Variants in FAM228B observed in about 807,000 individuals in gnomAD.
FAM228B encodes the protein family with sequence similarity 228 member B, also known as protein FAM228B.
Under a neutral mutation model 42.6 loss-of-function variants are expected in FAM228B, and 38 were observed. The observed-to-expected ratio is 0.89, with a 90% CI of 0.69 to 1.17. The LOEUF is 1.17. Ranked by LOEUF, FAM228B falls within the 50% of genes most tolerant of loss-of-function variation. The pLI is 0.00. For synonymous variants in FAM228B, 109 were observed against 122.3 expected, an observed-to-expected ratio of 0.89 and a Z score of 0.72; for missense variants, 344 against 367.3, an observed-to-expected ratio of 0.94 and a Z score of 0.52.
intron 2 of FAM228B, chr2:24,081,174 G>A: frequency 3.7e-6 from 2 of 540,868 alleles, no homozygotes; most frequent in Non-Finnish European, 6.3e-6. Context: ...GTGGGGTGGG[G>A]GTGGGCTGGT....
At chr2:24,099,743 T>G (rs1553326834) in intron 3 of FAM228B, among the ~76,000 whole-genome samples, 1 of 152,196 alleles carries the variant, frequency 6.6e-6, no homozygotes, top group Non-Finnish European at 1.5e-5. Context: ...CCAATGACTT[T>G]CTTCACAGAA....
In FAM228B at chr2:24,123,939, C is replaced by T. The variant is rs548012338; in HGVS notation, c.-32-391C>T. Among the ~76,000 whole-genome samples the T allele has an allele frequency of 4.6e-5, 7 of 152,332 alleles. No homozygotes were observed. In the East Asian group the frequency reaches 1.2e-3, roughly 25 times the overall value. ...AGTATGACCGAAAGCCCCTCCCTGCCTTCTCTAAGCAGCTCAGCCTGTGTT... is the reference window on the plus strand; with the variant it reads ...AGTATGACCGAAAGCCCCTCCCTGCTTTCTCTAAGCAGCTCAGCCTGTGTT... On this transcript the variant is annotated intron_variant, in intron 1 of 10. Transcript: ENST00000615575.
In FAM228B at chr2:24,080,705, T is replaced by G; in HGVS notation, c.-289-171T>G. ...TACTAGAATTTGGCCAGGGCAGCTG[T>G]TGTGCACTTAGCAGAGGTAAGACTG... On this transcript the variant is annotated intron_variant, in intron 1 of 10. Coordinates refer to the FAM228B transcript ENST00000613899. This position sits in a 1 kb window ranked among gnomAD's most constrained non-coding sequence, Gnocchi z 4.7. 1 of 1,276,258 alleles carries G rather than the reference T, an allele frequency of 7.8e-7. No homozygotes were observed. Among genetic ancestry groups the G allele is most frequent in the Non-Finnish European group, 1.1e-6 (1 of 893,224 alleles). The allele number at this position is 1,276,258 out of a possible 1,614,324, so 79.1% of individuals were successfully genotyped here. A position where few individuals can be genotyped will look rare whatever the true frequency, so the allele number is the denominator to read the frequency against.
At chr2:24,157,237 G>A (rs563111227) in intron 7 of FAM228B, among the ~76,000 whole-genome samples, 1 of 152,128 alleles carries the variant, frequency 6.6e-6, no homozygotes, top group South Asian at 2.1e-4. Context: ...CTTGTTTTGT[G>A]GCCTATTATA....
Position 24,158,196 on chromosome 2 carries a change from C to CTTTTTTTTTTTTTTTTTTT in FAM228B, c.687-3293_687-3292insTTTTTTTTTTTTTTTTTTT, listed in dbSNP as rs1322122366. Among the ~76,000 whole-genome samples the CTTTTTTTTTTTTTTTTTTT allele has an allele frequency of 9.6e-4, 51 of 53,204 alleles. 17 individuals carry two copies. The highest frequency in any genetic ancestry group is 4.1e-3 in the East Asian group (7 of 1,714). The allele number at this position is 53,204 out of a possible 152,430, so 34.9% of individuals were successfully genotyped here. On this transcript the variant is annotated intron_variant, in intron 7 of 10. Coordinates refer to ENST00000615575, the MANE Select transcript of FAM228B (RefSeq NM_001145710.2). ...ATGCTGGGCTTTCTCTCTGAACCTCCTTTTTTTTTTTTTTTTTCCAAAACA... is the reference window on the plus strand; with the variant it reads ...ATGCTGGGCTTTCTCTCTGAACCTCCTTTTTTTTTTTTTTTTTTTTTTTTTTTTTTTTTTTTCCAAAACA...
intron 2 of FAM228B, among the ~76,000 whole-genome samples, chr2:24,134,182 A>C (rs1027157657): frequency 4.6e-5 from 7 of 152,220 alleles, no homozygotes; most frequent in Non-Finnish European, 1.0e-4. Context: ...ATAAAAATAT[A>C]ACTCATTTCC....
rs1222853358 is a variant in FAM228B at position 24,080,982 on chromosome 2, AC to A, written c.-210+29del. The stretch of plus-strand genomic sequence containing the variant: ...TGAGTTGGATAGCAGCTGTGCCCAC[AC>A]CACTCAGTCCTGCATGGATTAGCAC... On this transcript the variant is annotated intron_variant, in intron 2 of 10. Transcript: ENST00000613899. This position sits in a 1 kb window ranked among gnomAD's most constrained non-coding sequence, Gnocchi z 4.7. The A allele has an allele frequency of 4.3e-6, 7 of 1,614,098 alleles. No homozygotes were observed. The highest frequency in any genetic ancestry group is 5.9e-6 in the Non-Finnish European group (7 of 1,180,024).
intron 2 of FAM228B, among the ~76,000 whole-genome samples, chr2:24,090,462 T>TA (rs1050056910): frequency 8.7e-5 from 13 of 149,524 alleles, no homozygotes. Context: ...TGCACGCCTG[T>TA]AGTCCCAGGT....
intron 5 of FAM228B, 92 bp from the exon 6 acceptor site, chr2:24,146,656 A>C: frequency 1.3e-6 from 1 of 740,942 alleles, no homozygotes; most frequent in Non-Finnish European, 2.2e-6. Context: ...TCCCGGCATA[A>C]GAGCCATCCA....
intron 7 of FAM228B, among the ~76,000 whole-genome samples, chr2:24,150,064 AGTT>A (rs1044923835): frequency 2.6e-5 from 4 of 151,982 alleles, no homozygotes; most frequent in Non-Finnish European, 5.9e-5. Flanking sequence ...TTTTTTGAAA[AGTT>A]GTTGTAATTA....
intron 3 of FAM228B, among the ~76,000 whole-genome samples, chr2:24,108,857 C>A (rs146427465): frequency 8.4e-4 from 125 of 149,650 alleles, no homozygotes; most frequent in African/African-American, 2.9e-3. Flanking sequence ...GCCGAGATTG[C>A]GCCACTGCAT....
At chr2:24,119,658 T>C, upstream of FAM228B, 1 of 1,613,152 alleles carries the variant, frequency 6.2e-7, no homozygotes, top group Non-Finnish European at 8.5e-7. Context: ...AGATGGGTCT[T>C]CACGACAACC....
chr2:24,096,666 C>T (rs934957775), intron 3 of FAM228B: 2 of 152,130 alleles, frequency 1.3e-5, no homozygotes, highest in African/African-American at 4.8e-5. Context: ...GATTGGTGTA[C>T]CTGGAAGTGA....
Position 24,084,247 on chromosome 2 carries a change from TC to T in FAM228B, c.-210+3297del, listed in dbSNP as rs1665151005. 1.2e-6 allele frequency: 2 copies of T among 1,613,830 alleles called. No individual in the cohort carries two copies. The highest frequency in any genetic ancestry group is 1.7e-6 in the Non-Finnish European group (2 of 1,179,964). On this transcript the variant is annotated intron_variant, in intron 2 of 10. Coordinates refer to the FAM228B transcript ENST00000613899. The surrounding 1 kb of genome is among the most constrained non-coding windows in gnomAD (Gnocchi z 8.4). Reference sequence around the variant, plus strand: ...CGCCACCTTCAGGAGGACTTCACCCTCCCCCGGGCTCGGCTTGGCCACCTCC... The same window carrying T: ...CGCCACCTTCAGGAGGACTTCACCCTCCCCGGGCTCGGCTTGGCCACCTCC...
In FAM228B at chr2:24,156,774, GCCCC is replaced by G. The variant is rs370569150; in HGVS notation, c.687-4722_687-4719del. Reference sequence around the variant, plus strand: ...CAGACACTGTTATACATTTCTTTCCGCCCCCCCCCCCCCAGCTTTTTGTTTCATT... The same window carrying G: ...CAGACACTGTTATACATTTCTTTCCGCCCCCCCCCAGCTTTTTGTTTCATT... On this transcript the variant is annotated intron_variant, in intron 7 of 10. Transcript: ENST00000615575. 2.5e-3 allele frequency among the ~76,000 whole-genome samples: 29 copies of G among 11,380 alleles called. No individual in the cohort carries two copies. In the South Asian group the frequency reaches 0.22, roughly 86 times the overall value. The allele number at this position is 11,380 out of a possible 152,430, so 7.5% of individuals were successfully genotyped here. A position where few individuals can be genotyped will look rare whatever the true frequency, so the allele number is the denominator to read the frequency against.
intron 2 of FAM228B, among the ~76,000 whole-genome samples, chr2:24,127,689 G>T (rs1309376785): frequency 6.7e-6 from 1 of 150,344 alleles, no homozygotes; most frequent in African/African-American, 2.5e-5. Flanking sequence ...TTTCAGCTGA[G>T]TCTCACTCTA....
chr2:24,137,902 T>A lies in FAM228B; in HGVS notation c.169-7T>A. 6.6e-7 allele frequency: 1 copy of A among 1,506,010 alleles called. No homozygotes were observed. The highest frequency in any genetic ancestry group is 8.8e-7 in the Non-Finnish European group (1 of 1,131,600). 93.3% of individuals were successfully genotyped at this position (1,506,010 alleles called of 1,614,324 possible). On this transcript the variant is annotated splice_region_variant and splice_polypyrimidine_tract_variant and intron_variant, in intron 3 of 10. Coordinates refer to ENST00000615575, the MANE Select transcript of FAM228B (RefSeq NM_001145710.2). ...ATATATTTGTCTTTTCTACCACTGT[T>A]TACTAGGAACTAGATAAGTATTTAC...
In FAM228B at chr2:24,080,656, G is replaced by A. The variant is rs1015120019; in HGVS notation, c.-289-220G>A. ...ATCTTAGATTTAAATATGACTGCCT[G>A]TCTCCAGTGGTCAAATACCATAGTA... On this transcript the variant is annotated intron_variant, in intron 1 of 10. Coordinates refer to the FAM228B transcript ENST00000613899. The surrounding 1 kb of genome is among the most constrained non-coding windows in gnomAD (Gnocchi z 4.7). 4 of 738,588 alleles carry A rather than the reference G, an allele frequency of 5.4e-6. No homozygotes were observed. The highest frequency in any genetic ancestry group is 1.7e-5 in the South Asian group (1 of 58,290). The allele number at this position is 738,588 out of a possible 1,614,324, so 45.8% of individuals were successfully genotyped here.
At chr2:24,128,843 A>C (rs551325833) in intron 2 of FAM228B, among the ~76,000 whole-genome samples, 1 of 152,048 alleles carries the variant, frequency 6.6e-6, no homozygotes, top group East Asian at 1.9e-4. Context: ...AGCAGTATCT[A>C]CCGTAGGGCC....
Sources: gnomAD v4.1 joint callset for allele counts (sites outside exome capture counted in the v4.1 genomes callset) on GRCh38, gnomAD v4.1.1 for gene constraint, Gnocchi (gnomAD v3.1) non-coding constraint, MANE v1.5 for transcripts, NCBI Gene and HGNC (gene_info 2026-07-23, HGNC 2026-07-21) for gene names.